CAPZA2: variants seen among roughly 807,000 people sequenced by gnomAD.
CAPZA2 encodes capping actin protein of muscle Z-line subunit alpha 2.
In CAPZA2, 13 loss-of-function variants were observed where a neutral mutation model predicts 44.0. The ratio of observed to expected loss-of-function variants is 0.30; its 90% CI spans 0.19 to 0.47. CAPZA2 has a LOEUF of 0.47. CAPZA2 is among the 20% of genes least tolerant of loss of function. The pLI is 1.00. For missense variants in CAPZA2, 244 were observed against 338.6 expected (o/e 0.72, Z 2.19); for synonymous variants, 94 against 108.2 (o/e 0.87, Z 0.81).
intron 1 of CAPZA2, among the ~76,000 whole-genome samples, chr7:116,877,280 T>A (rs1350191379): frequency 6.6e-6 from 1 of 152,252 alleles, no homozygotes; most frequent in Non-Finnish European, 1.5e-5. Context: ...TATAATTTGA[T>A]CTTAGAGTTT....
chr7:116,870,545 C>T (rs1796539255), intron 1 of CAPZA2, among the ~76,000 whole-genome samples: 1 of 152,168 alleles, frequency 6.6e-6, no homozygotes, highest in Admixed American at 6.5e-5. Context: ...GGTGGACATG[C>T]TGTGCGTTGT....
chr7:116,875,630 TTG>T (rs1796610428), intron 1 of CAPZA2: 3 of 152,070 alleles, frequency 2.0e-5, no homozygotes, highest in Admixed American at 1.3e-4. Flanking sequence ...CACTGTATCC[TTG>T]ACCTCCCAGG....
chr7:116,909,355 G>T (rs1397583650), intron 6 of CAPZA2, among the ~76,000 whole-genome samples: 4 of 152,062 alleles, frequency 2.6e-5, no homozygotes, highest in African/African-American at 9.7e-5. Flanking sequence ...ACCCTGAAAA[G>T]TTTGTCAGAA....
chr7:116,909,943 C>G (rs1013504017), intron 6 of CAPZA2: 1 of 335,142 alleles, frequency 3.0e-6, no homozygotes, highest in East Asian at 6.3e-5. Context: ...TAGTGGCAAA[C>G]AGCACTGCAC....
At chr7:116,880,787 C>T (rs1481225387) in intron 1 of CAPZA2, among the ~76,000 whole-genome samples, 1 of 127,856 alleles carries the variant, frequency 7.8e-6, no homozygotes, top group Non-Finnish European at 1.6e-5. Flanking sequence ...TGATACGGCT[C>T]ACTGCATCCT....
chr7:116,884,822 G>A (rs1796741031), intron 1 of CAPZA2, among the ~76,000 whole-genome samples: 1 of 152,110 alleles, frequency 6.6e-6, no homozygotes, highest in Admixed American at 6.6e-5. Context: ...ATAAGAAATG[G>A]CCAAACTGTT....
intron 8 of CAPZA2, among the ~76,000 whole-genome samples, chr7:116,912,374 T>C (rs1791608113): frequency 6.6e-6 from 1 of 152,166 alleles, no homozygotes; most frequent in African/African-American, 2.4e-5. Flanking sequence ...CTTTTTTTTT[T>C]GTATATTACT....
intron 3 of CAPZA2, among the ~76,000 whole-genome samples, chr7:116,898,006 C>CTTTCAGTTCA (rs1366260494): frequency 6.6e-6 from 1 of 152,124 alleles, no homozygotes; most frequent in African/African-American, 2.4e-5. Context: ...CATTCAGAGC[C>CTTTCAGTTCA]TTTCAGTTCA....
At chr7:116,896,055 TTC>T (rs1249208089) in intron 3 of CAPZA2, among the ~76,000 whole-genome samples, 1 of 152,158 alleles carries the variant, frequency 6.6e-6, no homozygotes, top group Non-Finnish European at 1.5e-5. Flanking sequence ...TATAGACTGT[TTC>T]TTTTTCACTT....
intron 8 of CAPZA2, among the ~76,000 whole-genome samples, chr7:116,914,098 G>T (rs1266096429): frequency 2.0e-5 from 3 of 149,792 alleles, no homozygotes; most frequent in Non-Finnish European, 4.4e-5. Flanking sequence ...CGCTGTCTTG[G>T]CTCACTGCAA....
chr7:116,883,575 C>T (rs1327017215), intron 1 of CAPZA2, among the ~76,000 whole-genome samples: 1 of 152,234 alleles, frequency 6.6e-6, no homozygotes, highest in Admixed American at 6.5e-5. Context: ...CTCAGCCAGT[C>T]TGCTCCCTTG....
intron 2 of CAPZA2, among the ~76,000 whole-genome samples, chr7:116,892,678 A>G (rs978377566): frequency 1.2e-4 from 18 of 152,136 alleles, no homozygotes; most frequent in East Asian, 1.9e-4. Context: ...AGAGTTTACA[A>G]ATTTGTGTTG....
intron 1 of CAPZA2, among the ~76,000 whole-genome samples, chr7:116,886,716 T>C (rs1394750285): frequency 3.9e-5 from 6 of 152,240 alleles, no homozygotes; most frequent in Non-Finnish European, 8.8e-5. Context: ...ATTCAGTCAG[T>C]TGGTCTGGGG....
rs912491285 is a variant in CAPZA2 at position 116,913,442 on chromosome 7, C to G, written c.657+1302C>G. ...TTCTACCTAACTTTTAAACTGTATC[C>G]TATCTTTTCATTTCAGTAGCTATTT... On this transcript the variant is annotated intron_variant, in intron 8 of 9. Coordinates refer to ENST00000361183, the MANE Select transcript of CAPZA2 (RefSeq NM_006136.3). 2.0e-5 allele frequency among the ~76,000 whole-genome samples: 3 copies of G among 150,694 alleles called. No homozygotes were observed. The Admixed American group carries it at 2.0e-4, about 10-fold the overall frequency.
In CAPZA2 at chr7:116,912,117, A is replaced by G. The variant is rs1381171194; in HGVS notation, c.634A>G (p.Ile212Val). 1.2e-6 allele frequency: 2 copies of G among 1,613,084 alleles called. No homozygotes were observed. The highest frequency in any genetic ancestry group is 1.7e-5 in the Admixed American group (1 of 59,996). The change falls in exon 8 of 10, where the codon ATA becomes GTA. Residue 212 changes from isoleucine to valine, a missense_variant. Physicochemically the swap from Ile to Val is conservative, Grantham distance 29 (BLOSUM62 3). Transcript: ENST00000361183. ...GNVQLVSHKD[I>V]QDSLTVSNEV... The stretch of plus-strand genomic sequence containing the variant: ...TGTTCAGCTAGTGAGTCATAAAGAT[A>G]TACAAGATTCCCTAACAGTGTCTGT...
At chr7:116,907,055 G>T (rs1212184976) in intron 6 of CAPZA2, among the ~76,000 whole-genome samples, 3 of 152,206 alleles carry the variant, frequency 2.0e-5, no homozygotes, top group Non-Finnish European at 4.4e-5. Flanking sequence ...ACCAGAATAA[G>T]TATGGTCATA....
At chr7:116,863,382 C>G (rs1371486967) in intron 1 of CAPZA2, among the ~76,000 whole-genome samples, 1 of 152,200 alleles carries the variant, frequency 6.6e-6, no homozygotes, top group Non-Finnish European at 1.5e-5. Context: ...CAGCCCCCCC[C>G]CGGGGGTCGA....
intron 4 of CAPZA2, among the ~76,000 whole-genome samples, chr7:116,899,121 T>G (rs1295659908): frequency 3.9e-5 from 6 of 152,040 alleles, no homozygotes; most frequent in Non-Finnish European, 8.8e-5. Context: ...AATCCCATAT[T>G]AATCCAAAGT....
rs903393355 is a variant in CAPZA2 at position 116,870,402 on chromosome 7, A to G, written c.39+7752A>G. 3.9e-5 allele frequency among the ~76,000 whole-genome samples: 6 copies of G among 152,354 alleles called. 1 individual carries two copies. The highest frequency in any genetic ancestry group is 6.8e-3 in the Middle Eastern group (2 of 294). ...TTGTGTAAAAAGAATTCAGTTAAAT[A>G]GTTGAGTGTCTACTCTATATTTGGT... On this transcript the variant is annotated intron_variant, in intron 1 of 9. Transcript: ENST00000361183.
Sources: allele counts gnomAD v4.1 joint callset (sites outside exome capture counted in the v4.1 genomes callset), GRCh38; gene constraint gnomAD v4.1.1; transcripts MANE v1.5; gene names NCBI Gene and HGNC (gene_info 2026-07-23, HGNC 2026-07-21).